MACROD2: variants seen among roughly 807,000 people sequenced by gnomAD.
MACROD2 encodes the protein mono-ADP ribosylhydrolase 2, also known as ADP-ribose glycohydrolase MACROD2.
In MACROD2, 36 loss-of-function variants were observed where a neutral mutation model predicts 70.4. The observed-to-expected ratio is 0.51, with a 90% confidence interval of 0.39 to 0.68. The LOEUF (loss-of-function observed/expected upper bound fraction) is 0.68, where lower values mean the gene tolerates loss of function less well. Among genes scored for constraint, MACROD2 ranks in the 30% least tolerant of loss-of-function variants. MACROD2 has a pLI of 0.00. For missense variants in MACROD2, 496 were observed against 538.4 expected (o/e 0.92, Z 0.78); for synonymous variants, 172 against 178.8 (o/e 0.96, Z 0.30).
intron 5 of MACROD2, among the ~76,000 whole-genome samples, chr20:14,709,487 A>G (rs2071312004): frequency 6.6e-6 from 1 of 152,178 alleles, no homozygotes; most frequent in Non-Finnish European, 1.5e-5. Context: ...TGTATCCAGT[A>G]TATATCCTGA....
chr20:15,860,368 C>T (rs1194426341), intron 8 of MACROD2, among the ~76,000 whole-genome samples: 2 of 152,036 alleles, frequency 1.3e-5, no homozygotes, highest in Admixed American at 1.3e-4. Context: ...GCCAAATTTT[C>T]TTGTTTTGAT....
At position 14,592,162 on chromosome 20, in the gene MACROD2, T is replaced by TA. The variant is rs1479341750; in HGVS notation, c.302-92674dup. On this transcript the variant is annotated intron_variant, in intron 4 of 17. Transcript: ENST00000684519. ...ATTTGGAGTTCCTCGAGAACAAAAC[T>TA]AAAAAAATATATACACGATATGGTT... Among the ~76,000 whole-genome samples, 13 of 152,006 alleles carry TA rather than the reference T, an allele frequency of 8.6e-5. No homozygotes were observed. In the East Asian group the frequency reaches 1.7e-3, roughly 20 times the overall value.
intron 3 of MACROD2, among the ~76,000 whole-genome samples, chr20:14,444,321 T>C (rs556496430): frequency 2.0e-4 from 31 of 152,264 alleles, no homozygotes; most frequent in Middle Eastern, 3.4e-3. Context: ...TTCTGAGTCC[T>C]CATTTTGTGT....
At chr20:15,173,933 A>G (rs2076441001) in intron 5 of MACROD2, among the ~76,000 whole-genome samples, 1 of 152,202 alleles carries the variant, frequency 6.6e-6, no homozygotes, top group African/African-American at 2.4e-5. Flanking sequence ...AGACTTCGAG[A>G]TAAAATGTTT....
At chr20:14,241,011 C>T (rs575081163) in intron 3 of MACROD2, among the ~76,000 whole-genome samples, 100 of 152,190 alleles carry the variant, frequency 6.6e-4, no homozygotes, top group Non-Finnish European at 1.2e-3. Context: ...TGCCTGTAAT[C>T]CCAGCTATTC....
chr20:14,558,143 G>T (rs1979175145), intron 4 of MACROD2, among the ~76,000 whole-genome samples: 1 of 151,762 alleles, frequency 6.6e-6, no homozygotes, highest in South Asian at 2.1e-4. Flanking sequence ...CCATTTATAT[G>T]AAATGTCTAG....
intron 4 of MACROD2, among the ~76,000 whole-genome samples, chr20:14,637,365 A>G (rs1984839581): frequency 6.6e-6 from 1 of 152,190 alleles, no homozygotes; most frequent in Admixed American, 6.5e-5. Context: ...ACCATTAAAG[A>G]TATATAACCC....
chr20:14,391,261 G>A (rs2083523421), intron 3 of MACROD2, among the ~76,000 whole-genome samples: 1 of 152,138 alleles, frequency 6.6e-6, no homozygotes, highest in Admixed American at 6.5e-5. Context: ...AGAAAATGTG[G>A]TATGTTACAT....
chr20:14,577,794 A>AAAGAGAAGAGAAGAG (rs140897912), intron 4 of MACROD2, among the ~76,000 whole-genome samples: 27,155 of 137,682 alleles, frequency 0.2, 3,182 homozygotes, highest in Middle Eastern at 0.26. Flanking sequence ...AAAGAAAAGG[A>AAAGAGAAGAGAAGAG]AAGAGAAGAG....
intron 4 of MACROD2, among the ~76,000 whole-genome samples, chr20:14,523,989 T>C (rs1191681652): frequency 2.0e-5 from 3 of 152,226 alleles, no homozygotes; most frequent in Non-Finnish European, 4.4e-5. Flanking sequence ...TGGACATTGT[T>C]CTAGATAAAA....
intron 7 of MACROD2, among the ~76,000 whole-genome samples, chr20:15,466,040 C>T (rs892022818): frequency 4.6e-5 from 7 of 151,946 alleles, no homozygotes; most frequent in African/African-American, 1.7e-4. Context: ...ATTCTGTGTA[C>T]TGTAAAGGAA....
intron 6 of MACROD2, among the ~76,000 whole-genome samples, chr20:15,382,242 C>T (rs13043204): frequency 0.17 from 26,262 of 151,996 alleles, 2,906 homozygotes; most frequent in African/African-American, 0.31. Flanking sequence ...TTTCCACCTA[C>T]AACAGGCCTG....
chr20:14,692,346 T>A (rs1413080072), intron 5 of MACROD2, among the ~76,000 whole-genome samples: 1 of 152,214 alleles, frequency 6.6e-6, no homozygotes, highest in Non-Finnish European at 1.5e-5. Context: ...TAGGGCTTTT[T>A]TTGAAGAGAA....
intron 4 of MACROD2, among the ~76,000 whole-genome samples, chr20:14,675,411 T>C (rs1309133246): frequency 3.9e-5 from 6 of 152,236 alleles, no homozygotes; most frequent in Admixed American, 6.5e-5. Context: ...AACATTCTTA[T>C]AGAAAAGAAT....
intron 3 of MACROD2, among the ~76,000 whole-genome samples, chr20:14,150,258 C>T (rs936299189): frequency 1.3e-5 from 2 of 152,114 alleles, no homozygotes. Flanking sequence ...AATTCTGATG[C>T]AGGACTAAAT....
intron 3 of MACROD2, among the ~76,000 whole-genome samples, chr20:14,331,970 C>A (rs2082850092): frequency 6.6e-6 from 1 of 152,012 alleles, no homozygotes; most frequent in South Asian, 2.1e-4. Flanking sequence ...CAAAATGAAT[C>A]GATCTTTTAG....
At chr20:15,193,476 CT>C (rs2076585074) in intron 5 of MACROD2, among the ~76,000 whole-genome samples, 1 of 151,950 alleles carries the variant, frequency 6.6e-6, no homozygotes, top group African/African-American at 2.4e-5. Flanking sequence ...GACCCCATGC[CT>C]ACAAATATAA....
At chr20:15,932,005 C>G (rs1302320327) in intron 10 of MACROD2, among the ~76,000 whole-genome samples, 1 of 152,148 alleles carries the variant, frequency 6.6e-6, no homozygotes, top group Non-Finnish European at 1.5e-5. Flanking sequence ...GGTCAAAGCA[C>G]TCAAGCAAGA....
intron 5 of MACROD2, among the ~76,000 whole-genome samples, chr20:15,132,509 A>G (rs182953612): frequency 2.6e-5 from 4 of 152,144 alleles, no homozygotes; most frequent in Admixed American, 6.5e-5. Context: ...TGAAACATAT[A>G]TTAGACCTCA....
Sources: gnomAD v4.1 joint callset for allele counts (sites outside exome capture counted in the v4.1 genomes callset) on GRCh38, gnomAD v4.1.1 for gene constraint, MANE v1.5 for transcripts, NCBI Gene and HGNC (gene_info 2026-07-23, HGNC 2026-07-21) for gene names.